The following MEGF11 variants were observed in gnomAD, a reference collection of about 807,000 sequenced individuals.
MEGF11 encodes the protein multiple epidermal growth factor-like domains protein 11.
A neutral mutation model predicts 146.6 loss-of-function variants in MEGF11; 126 were observed. That is an observed-to-expected ratio of 0.86 (90% confidence interval 0.74 to 1.00). MEGF11 has a LOEUF of 1.00. Among genes scored for constraint, MEGF11 ranks in the 50% least tolerant of loss-of-function variants. MEGF11 has a pLI of 0.00. For missense variants in MEGF11, 1,509 were observed against 1,521.2 expected (o/e 0.99, Z 0.13); for synonymous variants, 532 against 583.4 (o/e 0.91, Z 1.27).
chr15:66,191,426 C>T (rs2090874584), intron 1 of MEGF11, among the ~76,000 whole-genome samples: 1 of 152,198 alleles, frequency 6.6e-6, no homozygotes, highest in Non-Finnish European at 1.5e-5. Flanking sequence ...ACAGCTGGCA[C>T]CAGGATGCCT....
At chr15:65,980,032 C>T (rs1401086545) in intron 7 of MEGF11, among the ~76,000 whole-genome samples, 1 of 152,142 alleles carries the variant, frequency 6.6e-6, no homozygotes, top group Non-Finnish European at 1.5e-5. Context: ...CTGGGGCCCA[C>T]AGAATCAGAA....
chr15:66,056,321 G>A (rs540981242), intron 5 of MEGF11, among the ~76,000 whole-genome samples: 1 of 152,260 alleles, frequency 6.6e-6, no homozygotes, highest in South Asian at 2.1e-4. Flanking sequence ...TTAACCTTCT[G>A]AGCCTCATTT....
chr15:66,104,833 G>C (rs1250371565), intron 4 of MEGF11, among the ~76,000 whole-genome samples: 2 of 152,152 alleles, frequency 1.3e-5, no homozygotes, highest in Non-Finnish European at 2.9e-5. Flanking sequence ...CCTGAAGCGG[G>C]TGGCTCCCTG....
chr15:66,039,413 G>C (rs998501116), intron 5 of MEGF11, among the ~76,000 whole-genome samples: 4 of 152,180 alleles, frequency 2.6e-5, no homozygotes, highest in Non-Finnish European at 5.9e-5. Flanking sequence ...TCCTGCCTAC[G>C]GGAAGAGGGA....
intron 1 of MEGF11, among the ~76,000 whole-genome samples, chr15:66,181,889 GCTCCTAA>G (rs2090559481): frequency 6.6e-6 from 1 of 152,166 alleles, no homozygotes; most frequent in Admixed American, 6.5e-5. Context: ...TAATCTGTTT[GCTCCTAA>G]ATGAGGAAGG....
intron 1 of MEGF11, among the ~76,000 whole-genome samples, chr15:66,229,561 A>G (rs1200824572): frequency 6.6e-6 from 1 of 152,240 alleles, no homozygotes; most frequent in East Asian, 1.9e-4. Context: ...TTGTTCCCCT[A>G]CAAGTTACAA....
intron 19 of MEGF11, among the ~76,000 whole-genome samples, chr15:65,914,366 C>T (rs987390346): frequency 3.3e-5 from 5 of 152,254 alleles, no homozygotes; most frequent in African/African-American, 9.6e-5. Context: ...CTATAATTGG[C>T]GGAGTCAGGA....
At position 65,918,148 on chromosome 15, in the gene MEGF11, T is replaced by C. The variant is rs1263275884; in HGVS notation, c.1958-54A>G. The C allele has an allele frequency of 2.9e-5, 47 of 1,605,306 alleles. No homozygotes were observed. The South Asian group carries it at 4.5e-4, about 15-fold the overall frequency. ...TCCTCCCACCTGTGTTCCTCTGACC[T>C]CCACCCACAGCCTCATCCCTAGAAG... On this transcript the variant is annotated intron_variant, in intron 15 of 25. Transcript: ENST00000395614.
intron 1 of MEGF11, among the ~76,000 whole-genome samples, chr15:66,182,250 G>T (rs1486275870): frequency 6.6e-6 from 1 of 152,136 alleles, no homozygotes; most frequent in African/African-American, 2.4e-5. Flanking sequence ...CAAGCCCTGA[G>T]ATTCCTCTGA....
chr15:66,196,083 C>T (rs1443713840), intron 1 of MEGF11, among the ~76,000 whole-genome samples: 1 of 152,064 alleles, frequency 6.6e-6, no homozygotes, highest in African/African-American at 2.4e-5. Flanking sequence ...ACTCAGAGCA[C>T]TAAATGAAGG....
At chr15:66,201,765 T>G (rs6494557) in intron 1 of MEGF11, among the ~76,000 whole-genome samples, 1 of 140,128 alleles carries the variant, frequency 7.1e-6, no homozygotes, top group African/African-American at 2.7e-5. Context: ...GAAACCCTGT[T>G]TACTAAAAAT....
intron 20 of MEGF11, among the ~76,000 whole-genome samples, chr15:65,913,371 G>T (rs967397666): frequency 1.3e-5 from 2 of 152,168 alleles, no homozygotes; most frequent in African/African-American, 4.8e-5. Flanking sequence ...GGGCTCCAAG[G>T]TCTAGCCTCC....
At chr15:66,199,829 A>G (rs2091105886) in intron 1 of MEGF11, among the ~76,000 whole-genome samples, 1 of 152,158 alleles carries the variant, frequency 6.6e-6, no homozygotes, top group Non-Finnish European at 1.5e-5. Flanking sequence ...TATGCTAACA[A>G]TGTAAAAAAA....
chr15:66,218,299 C>G (rs1378306472), intron 1 of MEGF11, among the ~76,000 whole-genome samples: 2 of 152,130 alleles, frequency 1.3e-5, no homozygotes, highest in African/African-American at 4.8e-5. Context: ...AAGCTAAAAG[C>G]CTGTTCCCAG....
chr15:65,918,088 G>GCACA lies in MEGF11; in HGVS notation c.1960_1963dup (p.Ala655ValfsTer109). The stretch of plus-strand genomic sequence containing the variant: ...ACAGTCCTGCCCAAAGTATCCTCCA[G>GCACA]CACACACTGTGGGCACAGGGCAGCC... On this transcript the variant is annotated frameshift_variant, in exon 16 of 26. Coordinates refer to ENST00000395614, the MANE Select transcript of MEGF11 (RefSeq NM_001385028.1). LOFTEE classifies it high-confidence loss of function. The GCACA allele has an allele frequency of 6.2e-7, 1 of 1,613,850 alleles. No homozygotes were observed. Among genetic ancestry groups the GCACA allele is most frequent in the Middle Eastern group, 1.7e-4 (1 of 5,994 alleles).
At chr15:66,095,962 G>A (rs897600446) in intron 4 of MEGF11, among the ~76,000 whole-genome samples, 77 of 152,152 alleles carry the variant, frequency 5.1e-4, no homozygotes, top group Non-Finnish European at 1.6e-4. Context: ...TGCTGCTCAC[G>A]CGGCAGCTAG....
chr15:66,198,257 T>C (rs1041495243), intron 1 of MEGF11, among the ~76,000 whole-genome samples: 7 of 152,132 alleles, frequency 4.6e-5, no homozygotes, highest in Admixed American at 3.9e-4. Flanking sequence ...CTTTTGGAAA[T>C]TCTGGGTATA....
intron 10 of MEGF11, among the ~76,000 whole-genome samples, chr15:65,950,584 GACAC>G (rs57977250): frequency 0.049 from 7,252 of 148,790 alleles, 225 homozygotes; most frequent in African/African-American, 0.084. Flanking sequence ...TAGACACACA[GACAC>G]ACACACACAC....
chr15:65,956,904 A>G (rs1301112941), intron 10 of MEGF11, among the ~76,000 whole-genome samples: 2 of 152,236 alleles, frequency 1.3e-5, no homozygotes, highest in South Asian at 2.1e-4. Context: ...TTCATACACA[A>G]TTGGTGGCGG....
Sources: gnomAD v4.1 joint callset for allele counts (sites outside exome capture counted in the v4.1 genomes callset) on GRCh38, gnomAD v4.1.1 for gene constraint, MANE v1.5 for transcripts, NCBI Gene and HGNC (gene_info 2026-07-23, HGNC 2026-07-21) for gene names.